Variants in FBXO21 observed in about 807,000 individuals in gnomAD.
The protein encoded by FBXO21 is F-box protein 21.
In FBXO21, 32 loss-of-function variants were observed where a neutral mutation model predicts 76.6. That is an observed-to-expected ratio of 0.42 (90% CI 0.32 to 0.56). The LOEUF (loss-of-function observed/expected upper bound fraction) is 0.56. Among genes scored for constraint, FBXO21 ranks in the 20% least tolerant of loss-of-function variants. FBXO21 has a pLI of 0.16. For synonymous variants in FBXO21, 328 were observed against 311.5 expected, an observed-to-expected ratio of 1.05 and a Z score of -0.56; for missense variants, 586 against 797.3, an observed-to-expected ratio of 0.73 and a Z score of 3.19.
chr12:117,190,174 C>T (rs1956330324), intron 1 of FBXO21, 44 bp downstream of exon 1: 9 of 1,130,878 alleles, frequency 8.0e-6, no homozygotes, highest in Non-Finnish European at 9.8e-6. Context: ...CCGGGGGGCG[C>T]GGGGCGGTGG....
chr12:117,188,880 A>T, intron 2 of FBXO21: 1 of 239,294 alleles, frequency 4.2e-6, no homozygotes. Context: ...TCAATCATTG[A>T]TGATTCCCCA....
intron 4 of FBXO21, among the ~76,000 whole-genome samples, chr12:117,176,345 G>A (rs1956173695): frequency 6.6e-6 from 1 of 152,214 alleles, no homozygotes; most frequent in Non-Finnish European, 1.5e-5. Context: ...TTATGAGAAG[G>A]AGGGATATCA....
intron 11 of FBXO21, among the ~76,000 whole-genome samples, chr12:117,149,169 CT>C: frequency 6.6e-6 from 1 of 152,078 alleles, no homozygotes; most frequent in Non-Finnish European, 1.5e-5. Context: ...TTTGGATTTT[CT>C]TTTCTTTTTT....
At chr12:117,150,908 G>A (rs1324286525) in intron 11 of FBXO21, among the ~76,000 whole-genome samples, 2 of 47,160 alleles carry the variant, frequency 4.2e-5, no homozygotes, top group Non-Finnish European at 8.0e-5. Context: ...TGTGTCAGGC[G>A]GGAGGACTGT....
chr12:117,147,526 A>T (rs1955788574), intron 11 of FBXO21, among the ~76,000 whole-genome samples: 1 of 136,760 alleles, frequency 7.3e-6, no homozygotes. Flanking sequence ...TGAACCTGGG[A>T]GGCGGAGGTT....
rs1427796599 is a variant in FBXO21, at chr12:117,190,386, A to G, written c.71T>C (p.Val24Ala). The G allele has an allele frequency of 2.0e-6, 3 of 1,504,176 alleles. No homozygotes were observed. The highest frequency in any genetic ancestry group is 2.2e-5 in the Admixed American group (1 of 45,932). 93.2% of individuals were successfully genotyped at this position (1,504,176 alleles called of 1,614,324 possible). A position where few individuals can be genotyped will look rare whatever the true frequency, so the allele number is the denominator to read the frequency against. ...PALAEEAAPE[V>A]AGLSCLVNLP... ...GTTGACGAGGCAGCTGAGGCCCGCT[A>G]CCTCCGGCGCGGCCTCCTCCGCCAG... The change falls in exon 1 of 12, where the codon GTA (valine) becomes GCA (alanine). Residue 24 changes from valine to alanine, a missense_variant. Around this residue, in one of 6 missense-constraint regions of FBXO21, gnomAD observed 152 missense variants for 127.2 expected, o/e 1.19. Coordinates refer to ENST00000622495, the MANE Select transcript of FBXO21 (RefSeq NM_015002.3).
intron 2 of FBXO21, among the ~76,000 whole-genome samples, chr12:117,187,704 G>A (rs571561469): frequency 2.6e-4 from 39 of 152,280 alleles, no homozygotes; most frequent in African/African-American, 8.7e-4. Context: ...ATTACACAGA[G>A]GCACAGACTG....
intron 11 of FBXO21, 152 bp downstream of exon 11, chr12:117,155,639 G>C (rs1158620988): frequency 1.2e-6 from 1 of 860,320 alleles, no homozygotes; most frequent in Non-Finnish European, 1.8e-6. Flanking sequence ...GCCACGTTTA[G>C]CTGACTGTGG....
chr12:117,147,032 C>A (rs978624959), intron 11 of FBXO21, among the ~76,000 whole-genome samples: 2 of 150,234 alleles, frequency 1.3e-5, no homozygotes, highest in Non-Finnish European at 3.0e-5. Flanking sequence ...CACCTGAGGT[C>A]AAGAGTTCAA....
In FBXO21 at chr12:117,143,096, C is replaced by T. The variant is rs749990893; in HGVS notation, c.*2991G>A. The stretch of plus-strand genomic sequence containing the variant: ...AGGTGGATAATGTTTGCAAACATGA[C>T]GCCTGGCAAAACCGGTCTGATTCTA... On this transcript the variant is annotated 3_prime_UTR_variant, in exon 12 of 12. Coordinates refer to ENST00000622495, the MANE Select transcript of FBXO21 (RefSeq NM_015002.3). 6.6e-6 allele frequency: 1 copy of T among 152,154 alleles called. No individual in the cohort carries two copies. Among genetic ancestry groups the T allele is most frequent in the Non-Finnish European group, 1.5e-5 (1 of 68,038 alleles). 9.4% of individuals were successfully genotyped at this position (152,154 alleles called of 1,614,324 possible).
In FBXO21 at chr12:117,189,242, C is replaced by T. The variant is rs1277838365; in HGVS notation, c.360G>A (p.Arg120=). Residue 120 remains arginine, a synonymous_variant, in exon 2 of 12, where the codon AGG becomes AGA. Coordinates refer to ENST00000622495, the MANE Select transcript of FBXO21 (RefSeq NM_015002.3). ...ARKIVASFSK[R]FFSEHVPCNG... ...AGATCCTTACGTGCTCTGAAAAGAA[C>T]CTCTTTGAGAACGAGGCTACAATCT... 6.2e-7 allele frequency: 1 copy of T among 1,614,082 alleles called. No homozygotes were observed. Among genetic ancestry groups the T allele is most frequent in the African/African-American group, 1.3e-5 (1 of 74,912 alleles).
chr12:117,190,421 C>T lies in FBXO21; in HGVS notation c.36G>A (p.Val12=). ...AAAAVDSAME[V]VPALAEEAAP... ...CGGCCTCCTCCGCCAGCGCCGGCAC[C>T]ACCTCCATCGCGCTGTCGACTGCTG... is the stretch of plus-strand genomic sequence containing the variant. Residue 12 remains valine, a synonymous_variant, in exon 1 of 12, where the codon GTG becomes GTA. Coordinates refer to ENST00000622495, the MANE Select transcript of FBXO21 (RefSeq NM_015002.3). 1 of 1,466,182 alleles carries T rather than the reference C, an allele frequency of 6.8e-7. No individual in the cohort carries two copies. The highest frequency in any genetic ancestry group is 9.1e-7 in the Non-Finnish European group (1 of 1,104,840). The allele number at this position is 1,466,182 out of a possible 1,614,324, so 90.8% of individuals were successfully genotyped here.
rs1012553878 is a variant in FBXO21, at chr12:117,142,496, G to C, written c.*3591C>G. On this transcript the variant is annotated 3_prime_UTR_variant, in exon 12 of 12. Transcript: ENST00000622495. Reference sequence around the variant, plus strand: ...GCAAAGCCTAAAATCTTTACTATCTGCGTCTGCTTTATAGGATTGCTGGGA... The same window carrying C: ...GCAAAGCCTAAAATCTTTACTATCTCCGTCTGCTTTATAGGATTGCTGGGA... The C allele has an allele frequency of 1.3e-5, 2 of 152,108 alleles. No homozygotes were observed. The highest frequency in any genetic ancestry group is 2.4e-5 in the African/African-American group (1 of 41,388). 9.4% of individuals were successfully genotyped at this position (152,108 alleles called of 1,614,324 possible). A position where few individuals can be genotyped will look rare whatever the true frequency, so the allele number is the denominator to read the frequency against.
At chr12:117,173,169 C>A (rs1956135203) in intron 6 of FBXO21, among the ~76,000 whole-genome samples, 1 of 152,084 alleles carries the variant, frequency 6.6e-6, no homozygotes, top group South Asian at 2.1e-4. Context: ...GCTGGGTTTA[C>A]AGGCAACCGC....
Position 117,144,773 on chromosome 12 carries a change from G to A in FBXO21, c.*1314C>T, listed in dbSNP as rs1955749585. 6.6e-6 allele frequency: 1 copy of A among 152,204 alleles called. No individual in the cohort carries two copies. Among genetic ancestry groups the A allele is most frequent in the Non-Finnish European group, 1.5e-5 (1 of 68,036 alleles). 9.4% of individuals were successfully genotyped at this position (152,204 alleles called of 1,614,324 possible). A position where few individuals can be genotyped will look rare whatever the true frequency, so the allele number is the denominator to read the frequency against. The stretch of plus-strand genomic sequence containing the variant: ...TGGTGGAGCTCCAGAGCTGCACAAA[G>A]GCGTGCAGTTACTCTGGGCTCAGTT... On this transcript the variant is annotated 3_prime_UTR_variant, in exon 12 of 12. Coordinates refer to ENST00000622495, the MANE Select transcript of FBXO21 (RefSeq NM_015002.3).
rs757958447 is a variant in FBXO21, at chr12:117,190,424, C to T, written c.33G>A (p.Glu11=). The T allele has an allele frequency of 8.2e-6, 12 of 1,455,912 alleles. No homozygotes were observed. The highest frequency in any genetic ancestry group is 1.1e-5 in the Non-Finnish European group (12 of 1,097,530). 90.2% of individuals were successfully genotyped at this position (1,455,912 alleles called of 1,614,324 possible). A position where few individuals can be genotyped will look rare whatever the true frequency, so the allele number is the denominator to read the frequency against. Residue 11 remains glutamate (E), a synonymous_variant, in exon 1 of 12, where the codon GAG becomes GAA. Transcript: ENST00000622495. The part of the protein sequence containing the change: MAAAAVDSAM[E]VVPALAEEAA... ...CCTCCTCCGCCAGCGCCGGCACCAC[C>T]TCCATCGCGCTGTCGACTGCTGCCG...
intron 9 of FBXO21, among the ~76,000 whole-genome samples, chr12:117,160,455 C>T (rs955395211): frequency 6.6e-6 from 1 of 152,156 alleles, no homozygotes. Flanking sequence ...TGGGCATCTG[C>T]ACTCGATGGC....
rs535844835 is a variant in FBXO21, at chr12:117,156,540, T to C, written c.1518-592A>G. Reference sequence around the variant, plus strand: ...AAGACAGAGAAGGAGAGAGCACCCCTGCCTTTTAGAGGTACATACTGAAAT... The same window carrying C: ...AAGACAGAGAAGGAGAGAGCACCCCCGCCTTTTAGAGGTACATACTGAAAT... On this transcript the variant is annotated intron_variant, in intron 10 of 11. Coordinates refer to ENST00000622495, the MANE Select transcript of FBXO21 (RefSeq NM_015002.3). Among the ~76,000 whole-genome samples, 7 of 152,322 alleles carry C rather than the reference T, an allele frequency of 4.6e-5. No homozygotes were observed. The South Asian group carries it at 1.5e-3, about 32-fold the overall frequency.
At chr12:117,174,823 T>A (rs758736610) in intron 4 of FBXO21, 26 bp from the exon 5 acceptor site, 23 of 1,605,052 alleles carry the variant, frequency 1.4e-5, no homozygotes, top group Non-Finnish European at 2.0e-5. Context: ...AATTACCGAA[T>A]AAATTCTCAC....
Sources: allele counts gnomAD v4.1 joint callset (sites outside exome capture counted in the v4.1 genomes callset), GRCh38; gene constraint gnomAD v4.1.1; regional missense constraint gnomAD v4.1.1; transcripts MANE v1.5; gene names NCBI Gene and HGNC (gene_info 2026-07-23, HGNC 2026-07-21).